Variants in HRH1 observed in about 807,000 individuals in gnomAD.
HRH1 encodes histamine H1 receptor.
In HRH1, 6 loss-of-function variants were observed where a neutral mutation model predicts 10.3. The observed-to-expected ratio is 0.58, with a 90% CI of 0.32 to 1.15. The LOEUF is 1.15. Ranked by LOEUF, HRH1 falls within the 50% of genes most tolerant of loss-of-function variation. The probability of loss-of-function intolerance (pLI) is 0.05; values close to 1 mark genes in which losing one functional copy is unlikely to be tolerated. For synonymous variants in HRH1, 242 were observed against 236.7 expected, an observed-to-expected ratio of 1.02 and a Z score of -0.21; for missense variants, 514 against 615.3, an observed-to-expected ratio of 0.84 and a Z score of 1.74.
chr3:11,168,145 T>C lies in HRH1; in HGVS notation c.-36+13591T>C, dbSNP rs905498323. Reference sequence around the variant, plus strand: ...CATGCCCGTATCTCAGTGGAAAGCATTCTGGGCAAAGGGGACAGCAAGGCC... The same window carrying C: ...CATGCCCGTATCTCAGTGGAAAGCACTCTGGGCAAAGGGGACAGCAAGGCC... On this transcript the variant is annotated intron_variant, in intron 1 of 1. Coordinates refer to ENST00000431010, the MANE Select transcript of HRH1 (RefSeq NM_001098212.2). Among the ~76,000 whole-genome samples, 4 of 152,098 alleles carry C rather than the reference T, an allele frequency of 2.6e-5. 1 individual carries two copies. The highest frequency in any genetic ancestry group is 1.3e-4 in the Admixed American group (2 of 15,278).
At chr3:11,251,079 T>C (rs1166873211) in intron 1 of HRH1, among the ~76,000 whole-genome samples, 1 of 152,190 alleles carries the variant, frequency 6.6e-6, no homozygotes, top group Non-Finnish European at 1.5e-5. Context: ...CTATTTCTTT[T>C]AACTTTTCTT....
At chr3:11,217,721 G>A (rs1256753347) in intron 1 of HRH1, among the ~76,000 whole-genome samples, 1 of 152,168 alleles carries the variant, frequency 6.6e-6, no homozygotes, top group Non-Finnish European at 1.5e-5. Flanking sequence ...GGTAAATTCT[G>A]TATTATATAT....
intron 1 of HRH1, among the ~76,000 whole-genome samples, chr3:11,239,538 T>C (rs375681258): frequency 7.6e-4 from 116 of 152,202 alleles, no homozygotes; most frequent in African/African-American, 2.8e-3. Context: ...AATTTAGCAG[T>C]TTTTAAAAAT....
intron 1 of HRH1, among the ~76,000 whole-genome samples, chr3:11,204,940 C>A (rs924739356): frequency 6.6e-6 from 1 of 152,172 alleles, no homozygotes; most frequent in Non-Finnish European, 1.5e-5. Flanking sequence ...AGGCTCCCTC[C>A]AGCCCCACGT....
At position 11,259,018 on chromosome 3, in the gene HRH1, T is replaced by G; in HGVS notation, c.-20T>G. 2.6e-6 allele frequency: 4 copies of G among 1,564,022 alleles called. No homozygotes were observed. The highest frequency in any genetic ancestry group is 3.5e-6 in the Non-Finnish European group (4 of 1,155,194). ...TTTCTCCCAGGGAGTGAGCCATAAC[T>G]GGTGGCTGCTCTTGCGCCAATGAGC... On this transcript the variant is annotated 5_prime_UTR_variant, in exon 2 of 2. Coordinates refer to ENST00000431010, the MANE Select transcript of HRH1 (RefSeq NM_001098212.2). The surrounding 1 kb of genome is among the most constrained non-coding windows in gnomAD (Gnocchi z 4.6).
intron 1 of HRH1, among the ~76,000 whole-genome samples, chr3:11,139,280 C>CT (rs575726184): frequency 0.028 from 4,075 of 143,048 alleles, 169 homozygotes; most frequent in African/African-American, 0.086. Flanking sequence ...AGCCGCCCGC[C>CT]TTTTTTTTTT....
intron 1 of HRH1, among the ~76,000 whole-genome samples, chr3:11,218,007 A>T (rs1489490744): frequency 6.6e-6 from 1 of 152,224 alleles, no homozygotes; most frequent in Admixed American, 6.5e-5. Flanking sequence ...GAGATGCAAC[A>T]GTCAAACTTC....
rs201053001 is a variant in HRH1 at position 11,260,265 on chromosome 3, G to C, written c.1228G>C (p.Glu410Gln). 2.5e-6 allele frequency: 4 copies of C among 1,614,152 alleles called. No individual in the cohort carries two copies. In the Middle Eastern group the frequency reaches 6.6e-4, roughly 266 times the overall value. The change falls in exon 2 of 2, where the codon GAA (glutamate) becomes CAA (glutamine). Residue 410 changes from glutamate (E) to glutamine (Q), a missense_variant. By Grantham distance (29) the Glu-to-Gln change is conservative (BLOSUM62 2). Transcript: ENST00000431010. ...TGTATCTGGGTTGCACATGAACCGCGAAAGGAAGGCCGCCAAACAGTTGGG... is the reference window on the plus strand; with the variant it reads ...TGTATCTGGGTTGCACATGAACCGCCAAAGGAAGGCCGCCAAACAGTTGGG... ...QYVSGLHMNR[E>Q]RKAAKQLGFI...
chr3:11,197,822 AACCCTC>A (rs1937723961), intron 1 of HRH1, among the ~76,000 whole-genome samples: 1 of 152,180 alleles, frequency 6.6e-6, no homozygotes, highest in East Asian at 1.9e-4. Context: ...CACTGTTTGT[AACCCTC>A]CAGCATTAAC....
At chr3:11,196,359 C>T (rs967739081) in intron 1 of HRH1, among the ~76,000 whole-genome samples, 3 of 152,202 alleles carry the variant, frequency 2.0e-5, no homozygotes, top group Admixed American at 1.3e-4. Flanking sequence ...TACAGACATT[C>T]CTCACATTTG....
intron 1 of HRH1, among the ~76,000 whole-genome samples, chr3:11,169,245 C>T (rs1937107982): frequency 2.0e-5 from 3 of 152,226 alleles, no homozygotes; most frequent in Admixed American, 6.5e-5. Context: ...AGGGAGGTGA[C>T]GGATGTAGCG....
At chr3:11,244,733 C>T (rs1238684996) in intron 1 of HRH1, among the ~76,000 whole-genome samples, 1 of 152,236 alleles carries the variant, frequency 6.6e-6, no homozygotes, top group Non-Finnish European at 1.5e-5. Flanking sequence ...CTGTCTTTCT[C>T]AAGGTAACTT....
chr3:11,208,334 T>C (rs955407623), intron 1 of HRH1, among the ~76,000 whole-genome samples: 2 of 152,054 alleles, frequency 1.3e-5, no homozygotes, highest in Admixed American at 1.3e-4. Flanking sequence ...TGTATTTTTT[T>C]GTAGAGACAG....
At chr3:11,158,232 C>A (rs1350725872) in intron 1 of HRH1, among the ~76,000 whole-genome samples, 2 of 152,188 alleles carry the variant, frequency 1.3e-5, no homozygotes, top group African/African-American at 4.8e-5. Flanking sequence ...AGCAAGTTGG[C>A]TTAGTCTGGG....
chr3:11,143,297 G>A (rs558564180), intron 1 of HRH1, among the ~76,000 whole-genome samples: 4 of 152,302 alleles, frequency 2.6e-5, no homozygotes, highest in Non-Finnish European at 5.9e-5. Context: ...AGAGTGGGCT[G>A]CAGAAGGCAA....
At chr3:11,177,167 A>G (rs2125015191) in intron 1 of HRH1, among the ~76,000 whole-genome samples, 1 of 152,128 alleles carries the variant, frequency 6.6e-6, no homozygotes, top group Non-Finnish European at 1.5e-5. Flanking sequence ...CAGGGAGGCC[A>G]AGTAAGGTGG....
At chr3:11,186,651 G>A (rs780320754) in intron 1 of HRH1, among the ~76,000 whole-genome samples, 5 of 152,144 alleles carry the variant, frequency 3.3e-5, no homozygotes, top group African/African-American at 4.8e-5. Context: ...CTCTCACAGG[G>A]CTAAGGGACC....
chr3:11,188,945 A>C (rs561580277), intron 1 of HRH1, among the ~76,000 whole-genome samples: 1 of 152,368 alleles, frequency 6.6e-6, no homozygotes, highest in East Asian at 1.9e-4. Context: ...GAGTATCATT[A>C]GACTTAATTT....
At position 11,213,181 on chromosome 3, in the gene HRH1, C is replaced by G. The variant is rs116882958; in HGVS notation, c.-35-45822C>G. Among the ~76,000 whole-genome samples the G allele has an allele frequency of 4.3e-4, 66 of 152,336 alleles. No homozygotes were observed. The East Asian group carries it at 0.011, about 26-fold the overall frequency. On this transcript the variant is annotated intron_variant, in intron 1 of 1. Transcript: ENST00000431010. ...TATGTTTCTTCCGCTAGAATGGTAG[C>G]TCCTTGTGGACGAGCACTTTGACTT...
Sources: allele counts gnomAD v4.1 joint callset (sites outside exome capture counted in the v4.1 genomes callset), GRCh38; gene constraint gnomAD v4.1.1; non-coding constraint Gnocchi (gnomAD v3.1); transcripts MANE v1.5; gene names NCBI Gene and HGNC (gene_info 2026-07-23, HGNC 2026-07-21).